The following PIK3R1 variants were observed in gnomAD, a reference collection of about 807,000 sequenced individuals.
The protein encoded by PIK3R1 is phosphatidylinositol 3-kinase regulatory subunit alpha.
Under a neutral mutation model 98.0 loss-of-function variants are expected in PIK3R1, and 29 were observed. The ratio of observed to expected loss-of-function variants is 0.30; its 90% CI spans 0.22 to 0.40. The LOEUF is 0.40. Ranked by LOEUF, PIK3R1 falls within the 10% of genes least tolerant of loss-of-function variation. The pLI is 1.00. For synonymous variants in PIK3R1, 282 were observed against 311.8 expected (o/e 0.90, Z 1.01); for missense variants, 596 against 872.7 (o/e 0.68, Z 3.99).
At chr5:68,283,965 A>T (rs1746964903) in intron 7 of PIK3R1, among the ~76,000 whole-genome samples, 1 of 152,236 alleles carries the variant, frequency 6.6e-6, no homozygotes, top group Admixed American at 6.5e-5. Flanking sequence ...AAACAAAGTC[A>T]GGGCAATGTT....
intron 2 of PIK3R1, among the ~76,000 whole-genome samples, chr5:68,251,313 C>T (rs1745297576): frequency 6.6e-6 from 1 of 152,024 alleles, no homozygotes; most frequent in Non-Finnish European, 1.5e-5. Context: ...TCTGGTAGCC[C>T]TGTGCTTGAG....
At chr5:68,292,669 T>C in intron 8 of PIK3R1, 2 of 1,302,920 alleles carry the variant, frequency 1.5e-6, no homozygotes, top group Non-Finnish European at 2.0e-6. Flanking sequence ...TAAGAATTCT[T>C]GCCTTAAACA....
In PIK3R1 at chr5:68,226,943, C is replaced by T. The variant is rs141974044; in HGVS notation, c.268C>T (p.Arg90Trp). The change falls in exon 2 of 16, where the codon CGG (arginine) becomes TGG (tryptophan). Residue 90 changes from arginine to tryptophan, a missense_variant. Physicochemically the swap from Arg to Trp is moderately radical, Grantham distance 101 (BLOSUM62 -3). This residue lies in a region of PIK3R1 where 352 missense variants were observed against 393.3 expected (regional missense o/e 0.90). Transcript: ENST00000521381. The stretch of plus-strand genomic sequence containing the variant: ...AATCTCGCCTCCCACACCAAAGCCC[C>T]GGCCACCTCGGCCTCTTCCTGTTGC... ...KKISPPTPKP[R>W]PPRPLPVAPG... 5 of 1,613,970 alleles carry T rather than the reference C, an allele frequency of 3.1e-6. No homozygotes were observed. Among genetic ancestry groups the T allele is most frequent in the Non-Finnish European group, 4.2e-6 (5 of 1,180,014 alleles).
At chr5:68,288,631 G>C in intron 7 of PIK3R1, 2 of 1,593,882 alleles carry the variant, frequency 1.3e-6, no homozygotes, top group East Asian at 4.5e-5. Flanking sequence ...CCGGGAACAG[G>C]CTGGGGGGAG....
chr5:68,292,610 A>G, intron 8 of PIK3R1: 1 of 1,452,312 alleles, frequency 6.9e-7, no homozygotes, highest in Non-Finnish European at 9.1e-7. Flanking sequence ...GTGAAGTGGC[A>G]CTGCCTAAGA....
chr5:68,292,146 A>C, intron 7 of PIK3R1, 113 bp from the exon 8 acceptor site: 2 of 615,558 alleles, frequency 3.2e-6, no homozygotes, highest in South Asian at 2.2e-5. Context: ...AACTAATGCT[A>C]TATATTTCAG....
chr5:68,245,678 C>A (rs758777922), intron 2 of PIK3R1, among the ~76,000 whole-genome samples: 4 of 152,116 alleles, frequency 2.6e-5, no homozygotes, highest in Non-Finnish European at 4.4e-5. Flanking sequence ...TTAAAAAATA[C>A]ATTTGGGACA....
chr5:68,246,630 T>G (rs892373334), intron 2 of PIK3R1, among the ~76,000 whole-genome samples: 11 of 152,068 alleles, frequency 7.2e-5, no homozygotes, highest in African/African-American at 2.7e-4. Flanking sequence ...TCTTTTTTAT[T>G]TTTTGTTTTT....
At chr5:68,264,909 T>C (rs910173979) in intron 2 of PIK3R1, among the ~76,000 whole-genome samples, 1 of 152,212 alleles carries the variant, frequency 6.6e-6, no homozygotes, top group South Asian at 2.1e-4. Context: ...AAATTTGATA[T>C]GATAGCTAGA....
At position 68,293,086 on chromosome 5, in the gene PIK3R1, G is replaced by A. The variant is rs2112251378; in HGVS notation, c.1020-15G>A. 1 of 1,591,344 alleles carries A rather than the reference G, an allele frequency of 6.3e-7. No individual in the cohort carries two copies. Among genetic ancestry groups the A allele is most frequent in the Non-Finnish European group, 8.6e-7 (1 of 1,159,758 alleles). On this transcript the variant is annotated splice_polypyrimidine_tract_variant and intron_variant, in intron 8 of 15. Transcript: ENST00000521381. ...TAAACCTTAAGATGAGCATTGTTTT[G>A]TGTTTTCATTTCAGGGAAGAAGTGA... is the stretch of plus-strand genomic sequence containing the variant.
chr5:68,290,447 CAAATT>C (rs1236041337), intron 7 of PIK3R1, among the ~76,000 whole-genome samples: 6 of 152,160 alleles, frequency 3.9e-5, no homozygotes, highest in East Asian at 3.8e-4. Flanking sequence ...GGAGAACAGT[CAAATT>C]AAACACCTTT....
At chr5:68,295,522 A>T in intron 14 of PIK3R1, 34 bp downstream of exon 14, 1 of 1,572,254 alleles carries the variant, frequency 6.4e-7, no homozygotes, top group Non-Finnish European at 8.8e-7. Context: ...ATAGCAGAAG[A>T]TTTTTCTCAT....
chr5:68,233,645 C>T (rs752004569), intron 2 of PIK3R1, among the ~76,000 whole-genome samples: 8 of 151,902 alleles, frequency 5.3e-5, no homozygotes, highest in Non-Finnish European at 7.4e-5. Context: ...ACAAACAGTA[C>T]GTGGAATTGT....
At chr5:68,268,652 T>G (rs915137298) in intron 2 of PIK3R1, among the ~76,000 whole-genome samples, 1 of 152,212 alleles carries the variant, frequency 6.6e-6, no homozygotes, top group Non-Finnish European at 1.5e-5. Context: ...TTTCACACAC[T>G]TCCAAACTGC....
intron 2 of PIK3R1, among the ~76,000 whole-genome samples, chr5:68,262,010 A>G (rs1156605876): frequency 6.6e-6 from 1 of 152,136 alleles, no homozygotes; most frequent in Non-Finnish European, 1.5e-5. Flanking sequence ...CCGCAGTGAT[A>G]AATGATTGCT....
chr5:68,219,936 A>G (rs1477663344), intron 1 of PIK3R1, among the ~76,000 whole-genome samples: 1 of 152,200 alleles, frequency 6.6e-6, no homozygotes, highest in African/African-American at 2.4e-5. Context: ...TGTAAAATAG[A>G]GATAATTGTT....
chr5:68,234,400 A>G (rs1744589970), intron 2 of PIK3R1, among the ~76,000 whole-genome samples: 1 of 152,228 alleles, frequency 6.6e-6, no homozygotes, highest in South Asian at 2.1e-4. Flanking sequence ...ACAACCTAGG[A>G]TGGTTGGAAA....
Position 68,227,026 on chromosome 5 carries a change from G to A in PIK3R1, c.334+17G>A, listed in dbSNP as rs762878442. ...AACAACAAGGTCAGTATTGATAAGT[G>A]GTTGCTTAATGACTCCCTTTCTTTT... On this transcript the variant is annotated intron_variant, in intron 2 of 15. Transcript: ENST00000521381. The A allele has an allele frequency of 1.3e-6, 2 of 1,572,760 alleles. No homozygotes were observed. The highest frequency in any genetic ancestry group is 1.7e-6 in the Non-Finnish European group (2 of 1,160,108).
At chr5:68,217,647 T>TGCGC (rs1490036254) in intron 1 of PIK3R1, 7 of 136,174 alleles carry the variant, frequency 5.1e-5, no homozygotes, top group African/African-American at 9.2e-5. Flanking sequence ...TGTGTGTGTG[T>TGCGC]GTGTGTGCGC....
Sources: gnomAD v4.1 joint callset for allele counts (sites outside exome capture counted in the v4.1 genomes callset) on GRCh38, gnomAD v4.1.1 for gene constraint, gnomAD v4.1.1 regional missense constraint, MANE v1.5 for transcripts, NCBI Gene and HGNC (gene_info 2026-07-23, HGNC 2026-07-21) for gene names.